The following SRCIN1 variants were observed in gnomAD, a reference collection of about 807,000 sequenced individuals.
The protein encoded by SRCIN1 is P130Cas-associated protein.
Under a neutral mutation model 116.2 loss-of-function variants are expected in SRCIN1, and 50 were observed. That is an observed-to-expected ratio of 0.43 (90% CI 0.34 to 0.54). SRCIN1 has a LOEUF of 0.54. Ranked by LOEUF, SRCIN1 falls within the 20% of genes least tolerant of loss-of-function variation. The pLI, the probability that SRCIN1 is intolerant of heterozygous loss-of-function variation, is 0.02. For synonymous variants in SRCIN1, 736 were observed against 750.0 expected, an observed-to-expected ratio of 0.98 and a Z score of 0.30; for missense variants, 1,446 against 1,672.0, an observed-to-expected ratio of 0.86 and a Z score of 2.36.
rs2040949371 is a variant in SRCIN1, at chr17:38,533,217, G to A, written c.*80C>T. 1 of 1,483,798 alleles carries A rather than the reference G, an allele frequency of 6.7e-7. No homozygotes were observed. The highest frequency in any genetic ancestry group is 9.0e-7 in the Non-Finnish European group (1 of 1,116,082). 91.9% of individuals were successfully genotyped at this position (1,483,798 alleles called of 1,614,324 possible). A position where few individuals can be genotyped will look rare whatever the true frequency, so the allele number is the denominator to read the frequency against. ...GGGCGTCTGGAGAGTAGGGTGGGGTGGGGTGGAGATGAAGGAAGAGAGGGG... is the reference window on the plus strand; with the variant it reads ...GGGCGTCTGGAGAGTAGGGTGGGGTAGGGTGGAGATGAAGGAAGAGAGGGG... On this transcript the variant is annotated 3_prime_UTR_variant, in exon 19 of 19. Coordinates refer to ENST00000617146, the MANE Select transcript of SRCIN1 (RefSeq NM_025248.3).
chr17:38,566,947 TTC>T (rs927861319), intron 3 of SRCIN1, among the ~76,000 whole-genome samples: 38 of 150,986 alleles, frequency 2.5e-4, no homozygotes, highest in African/African-American at 9.1e-4. Flanking sequence ...CTCTCTCTCT[TTC>T]TCTCTTTCTT....
chr17:38,546,891 G>A (rs1905108149), intron 17 of SRCIN1, among the ~76,000 whole-genome samples: 1 of 146,110 alleles, frequency 6.8e-6, no homozygotes, highest in Non-Finnish European at 1.5e-5. Context: ...TGTGCACACG[G>A]GAGGCTCTCC....
At chr17:38,605,590 G>T in intron 1 of SRCIN1, 94 bp downstream of exon 1, 1 of 1,038,306 alleles carries the variant, frequency 9.6e-7, no homozygotes, top group Non-Finnish European at 1.3e-6. Flanking sequence ...CGCCGCCCCC[G>T]CCCCCGGCCG....
At chr17:38,560,217 A>G in intron 8 of SRCIN1, 116 bp downstream of exon 8, 1 of 1,392,172 alleles carries the variant, frequency 7.2e-7, no homozygotes. Flanking sequence ...GTCCCAGAGA[A>G]GGGAAGGGAT....
chr17:38,538,846 A>G (rs1178110780), intron 18 of SRCIN1, among the ~76,000 whole-genome samples: 4 of 152,138 alleles, frequency 2.6e-5, no homozygotes, highest in Non-Finnish European at 2.9e-5. Context: ...CAGCTCTGCC[A>G]CTTTTTAACC....
intron 7 of SRCIN1, among the ~76,000 whole-genome samples, chr17:38,560,891 T>C (rs951619717): frequency 1.3e-5 from 2 of 152,182 alleles, no homozygotes; most frequent in South Asian, 2.1e-4. Context: ...TGGCTTCTCT[T>C]CACTGCTCAG....
Position 38,572,541 on chromosome 17 carries a change from C to G in SRCIN1, c.325-4310G>C, listed in dbSNP as rs1907155301. 1.3e-5 allele frequency: 2 copies of G among 151,996 alleles called. No homozygotes were observed. Among genetic ancestry groups the G allele is most frequent in the Admixed American group, 1.3e-4 (2 of 15,260 alleles). The allele number at this position is 151,996 out of a possible 1,614,324, so 9.4% of individuals were successfully genotyped here. On this transcript the variant is annotated intron_variant, in intron 2 of 18. Coordinates refer to ENST00000617146, the MANE Select transcript of SRCIN1 (RefSeq NM_025248.3). This position sits in a 1 kb window ranked among gnomAD's most constrained non-coding sequence, Gnocchi z 4.3. ...GCGTTTCTCAGGGATCGGGAACCTG[C>G]AATGGCCTGGACGTCCCCCACCCCT... is the stretch of plus-strand genomic sequence containing the variant.
chr17:38,604,365 G>A lies in SRCIN1; in HGVS notation c.22+1319C>T, dbSNP rs1909229960. 1 of 310,988 alleles carries A rather than the reference G, an allele frequency of 3.2e-6. No individual in the cohort carries two copies. The highest frequency in any genetic ancestry group is 6.4e-6 in the Non-Finnish European group (1 of 156,768). The allele number at this position is 310,988 out of a possible 1,614,324, so 19.3% of individuals were successfully genotyped here. The stretch of plus-strand genomic sequence containing the variant: ...TGCCAGAAACCCCCACCCCCAGCTC[G>A]GGGAGCCCACTTTCCTTAAAGTTGG... On this transcript the variant is annotated intron_variant, in intron 1 of 18. Transcript: ENST00000617146. The surrounding 1 kb of genome is among the most constrained non-coding windows in gnomAD (Gnocchi z 4.3).
intron 2 of SRCIN1, among the ~76,000 whole-genome samples, chr17:38,569,752 G>A (rs904502708): frequency 1.3e-5 from 2 of 152,156 alleles, no homozygotes; most frequent in African/African-American, 4.8e-5. Context: ...GCCAATGCTT[G>A]GAATCATCTA....
chr17:38,580,973 T>C (rs9894008), intron 1 of SRCIN1, among the ~76,000 whole-genome samples: 54,263 of 152,086 alleles, frequency 0.36, 13,704 homozygotes, highest in African/African-American at 0.72. Context: ...GTAGCTGGAA[T>C]TACAGGTGCC....
At chr17:38,553,513 C>G (rs1905582631) in intron 11 of SRCIN1, among the ~76,000 whole-genome samples, 1 of 151,978 alleles carries the variant, frequency 6.6e-6, no homozygotes, top group African/African-American at 2.4e-5. Context: ...AGAGCACGTG[C>G]CCCCGGGGAG....
chr17:38,572,679 G>A lies in SRCIN1; in HGVS notation c.325-4448C>T, dbSNP rs1488417813. 3 of 151,634 alleles carry A rather than the reference G, an allele frequency of 2.0e-5. No individual in the cohort carries two copies. The East Asian group carries it at 5.9e-4, about 30-fold the overall frequency. The allele number at this position is 151,634 out of a possible 1,614,324, so 9.4% of individuals were successfully genotyped here. A position where few individuals can be genotyped will look rare whatever the true frequency, so the allele number is the denominator to read the frequency against. The stretch of plus-strand genomic sequence containing the variant: ...TCGCTCCCCCTTACCTGCGGCCACA[G>A]GTGTACGTGCGGGGTCCCCAGCCCC... On this transcript the variant is annotated intron_variant, in intron 2 of 18. Transcript: ENST00000617146. This position sits in a 1 kb window ranked among gnomAD's most constrained non-coding sequence, Gnocchi z 4.3.
chr17:38,565,162 G>A (rs1052190163), intron 3 of SRCIN1, among the ~76,000 whole-genome samples: 1 of 152,154 alleles, frequency 6.6e-6, no homozygotes, highest in South Asian at 2.1e-4. Context: ...GGGGGAGGGG[G>A]AGTCAGGATG....
Position 38,567,021 on chromosome 17 carries a change from A to G in SRCIN1, c.345+1190T>C, listed in dbSNP as rs1266019849. On this transcript the variant is annotated intron_variant, in intron 3 of 18. Coordinates refer to ENST00000617146, the MANE Select transcript of SRCIN1 (RefSeq NM_025248.3). ...ACCCAGGCTGGAGCGCAGAGGTGCA[A>G]ACATAGCTCACTGCAGCCTCAATCT... 2.6e-5 allele frequency among the ~76,000 whole-genome samples: 4 copies of G among 151,856 alleles called. No homozygotes were observed. The East Asian group carries it at 7.8e-4, about 29-fold the overall frequency.
chr17:38,533,529 C>T, intron 18 of SRCIN1, 98 bp from the exon 19 acceptor site: 1 of 1,044,284 alleles, frequency 9.6e-7, no homozygotes, highest in African/African-American at 1.7e-5. Flanking sequence ...CTCCACAAAT[C>T]CAAGGAAATT....
Position 38,561,936 on chromosome 17 carries a change from G to T in SRCIN1, c.1227C>A (p.Ser409Arg). The change falls in exon 7 of 19, where the codon AGC becomes AGA. Residue 409 changes from serine to arginine, a missense_variant. By Grantham distance (110) the Ser-to-Arg change is moderately radical. Around this residue, in one of 5 missense-constraint regions of SRCIN1, gnomAD observed 239 missense variants for 317.7 expected, o/e 0.75. Coordinates refer to ENST00000617146, the MANE Select transcript of SRCIN1 (RefSeq NM_025248.3). ...PYGLLHEGRLSLAAAAGDPFA... is the reference protein window; with the variant it reads ...PYGLLHEGRLRLAAAAGDPFA... ...ACGGGTCGCCGGCGGCCGCGGCCAG[G>T]CTCAGACGGCCCTCGTGCAGCAGCC... 1 of 1,462,478 alleles carries T rather than the reference G, an allele frequency of 6.8e-7. No individual in the cohort carries two copies. Among genetic ancestry groups the T allele is most frequent in the Non-Finnish European group, 8.9e-7 (1 of 1,120,220 alleles). The allele number at this position is 1,462,478 out of a possible 1,614,324, so 90.6% of individuals were successfully genotyped here.
chr17:38,539,133 G>A (rs545914756), intron 18 of SRCIN1, among the ~76,000 whole-genome samples: 1 of 152,292 alleles, frequency 6.6e-6, no homozygotes, highest in Non-Finnish European at 1.5e-5. Flanking sequence ...GAGTGCCTAC[G>A]TATGCCAAGC....
intron 2 of SRCIN1, among the ~76,000 whole-genome samples, chr17:38,575,904 C>T (rs1907389976): frequency 6.6e-6 from 1 of 152,212 alleles, no homozygotes; most frequent in Non-Finnish European, 1.5e-5. Flanking sequence ...ACTGCCTGAG[C>T]TGGCACCGTG....
chr17:38,537,047 G>T (rs1267785967), intron 18 of SRCIN1, among the ~76,000 whole-genome samples: 1 of 152,046 alleles, frequency 6.6e-6, no homozygotes, highest in Admixed American at 6.6e-5. Flanking sequence ...GCGTGGTGGC[G>T]TGCACCTGTA....
Sources: gnomAD v4.1 joint callset for allele counts (sites outside exome capture counted in the v4.1 genomes callset) on GRCh38, gnomAD v4.1.1 for gene constraint, gnomAD v4.1.1 regional missense constraint, Gnocchi (gnomAD v3.1) non-coding constraint, MANE v1.5 for transcripts, NCBI Gene and HGNC (gene_info 2026-07-23, HGNC 2026-07-21) for gene names.